CDC42BPA: variants seen among roughly 807,000 people sequenced by gnomAD.
CDC42BPA encodes the protein CDC42 binding protein kinase alpha, also known as serine/threonine-protein kinase MRCK alpha.
Under a neutral mutation model 223.5 loss-of-function variants are expected in CDC42BPA, and 80 were observed. The ratio of observed to expected loss-of-function variants is 0.36; its 90% CI spans 0.30 to 0.43. The LOEUF (loss-of-function observed/expected upper bound fraction) is 0.43. Ranked by LOEUF, CDC42BPA falls within the 20% of genes least tolerant of loss-of-function variation. The probability of loss-of-function intolerance (pLI) is 1.00; values close to 1 mark genes in which losing one functional copy is unlikely to be tolerated. For missense variants in CDC42BPA, 1,743 were observed against 2,099.9 expected (o/e 0.83, Z 3.32); for synonymous variants, 694 against 718.6 (o/e 0.97, Z 0.55).
At chr1:227,166,220 A>G (rs1665007075) in intron 5 of CDC42BPA, among the ~76,000 whole-genome samples, 2 of 152,234 alleles carry the variant, frequency 1.3e-5, no homozygotes, top group Admixed American at 6.5e-5. Flanking sequence ...TGTTCTTAAA[A>G]TGGTCACTAT....
At position 227,129,666 on chromosome 1, in the gene CDC42BPA, C is replaced by CAAAAAAAAAAAAAAAAA. The variant is rs569879499; in HGVS notation, c.1391-452_1391-436dup. ...TGGGAGACAAAGTGAGACTGTATCT[C>CAAAAAAAAAAAAAAAAA]AAAAAAAAAAAAAAAAAAAAAAAAA... is the stretch of plus-strand genomic sequence containing the variant. On this transcript the variant is annotated intron_variant, in intron 10 of 36. Coordinates refer to ENST00000366766, the MANE Select transcript of CDC42BPA (RefSeq NM_001394014.1). Among the ~76,000 whole-genome samples the CAAAAAAAAAAAAAAAAA allele has an allele frequency of 1.3e-3, 45 of 33,916 alleles. 3 individuals are homozygous for CAAAAAAAAAAAAAAAAA. The highest frequency in any genetic ancestry group is 2.8e-3 in the East Asian group (2 of 726). 22.3% of individuals were successfully genotyped at this position (33,916 alleles called of 152,430 possible).
chr1:227,239,379 C>T (rs571168531), intron 2 of CDC42BPA, among the ~76,000 whole-genome samples: 5 of 152,052 alleles, frequency 3.3e-5, no homozygotes, highest in Admixed American at 1.3e-4. Flanking sequence ...ACCCACTGAA[C>T]GTACAACATC....
rs35903393 is a variant in CDC42BPA, at chr1:227,244,494, T to TGGG, written c.270+9567_270+9569dup. Among the ~76,000 whole-genome samples the TGGG allele has an allele frequency of 2.7e-3, 407 of 149,768 alleles. 1 individual carries two copies. The highest frequency in any genetic ancestry group is 7.1e-3 in the African/African-American group (288 of 40,498). ...AACAAGGAAGTGATTATTCACATGG[T>TGGG]GGGGGGGGGCAATGGGAGCCTATCA... On this transcript the variant is annotated intron_variant, in intron 2 of 36. Coordinates refer to ENST00000366766, the MANE Select transcript of CDC42BPA (RefSeq NM_001394014.1).
At chr1:227,120,190 C>A (rs1177893287) in intron 11 of CDC42BPA, among the ~76,000 whole-genome samples, 10 of 150,418 alleles carry the variant, frequency 6.6e-5, no homozygotes, top group Non-Finnish European at 1.3e-4. Context: ...AAAAAGCATG[C>A]TTCCAAAAAC....
intron 35 of CDC42BPA, among the ~76,000 whole-genome samples, chr1:226,997,674 G>T (rs9727512): frequency 0.37 from 56,484 of 151,740 alleles, 11,192 homozygotes; most frequent in Non-Finnish European, 0.46. Context: ...TGGTCTTAAA[G>T]AACTTATTTA....
At chr1:227,120,865 A>G (rs1176031227) in intron 11 of CDC42BPA, among the ~76,000 whole-genome samples, 4 of 152,192 alleles carry the variant, frequency 2.6e-5, no homozygotes, top group African/African-American at 4.8e-5. Flanking sequence ...ATTTTTCCAC[A>G]GCCCAGGAGT....
intron 1 of CDC42BPA, among the ~76,000 whole-genome samples, chr1:227,277,874 C>T (rs1372105396): frequency 6.6e-6 from 1 of 151,994 alleles, no homozygotes. Context: ...CTCAGCCTCC[C>T]GAGTAGCTAG....
intron 2 of CDC42BPA, among the ~76,000 whole-genome samples, chr1:227,217,378 C>T (rs1239325076): frequency 4.6e-5 from 7 of 150,772 alleles, no homozygotes; most frequent in South Asian, 2.1e-4. Flanking sequence ...ACCCGGGAGA[C>T]GGAGGTGTGG....
At chr1:227,309,203 CAA>C (rs35336462) in intron 1 of CDC42BPA, among the ~76,000 whole-genome samples, 4,345 of 129,988 alleles carry the variant, frequency 0.033, 95 homozygotes, top group Non-Finnish European at 0.048. Context: ...CTATCTCTAC[CAA>C]AAAAAAAAAA....
rs1019207454 is a variant in CDC42BPA, at chr1:227,189,692, T to C, written c.599+4094A>G. Among the ~76,000 whole-genome samples, 3 of 152,312 alleles carry C rather than the reference T, an allele frequency of 2.0e-5. No individual in the cohort carries two copies. In the East Asian group the frequency reaches 5.8e-4, roughly 29 times the overall value. ...TACCATTTGCTATTTTCCATTGCTC[T>C]TGTTAAACCTTTGTGCAAATTTTTT... On this transcript the variant is annotated intron_variant, in intron 5 of 36. Coordinates refer to ENST00000366766, the MANE Select transcript of CDC42BPA (RefSeq NM_001394014.1).
intron 2 of CDC42BPA, among the ~76,000 whole-genome samples, chr1:227,236,212 T>C (rs570834621): frequency 1.1e-4 from 16 of 152,318 alleles, no homozygotes; most frequent in South Asian, 2.1e-4. Context: ...CTACTGGATA[T>C]AGATTTGACT....
intron 1 of CDC42BPA, among the ~76,000 whole-genome samples, chr1:227,291,208 A>G (rs1170997334): frequency 1.3e-5 from 2 of 152,194 alleles, no homozygotes; most frequent in South Asian, 2.1e-4. Context: ...ACAAAAAATC[A>G]TGTTGCTCCG....
chr1:227,236,845 C>T (rs73096314), intron 2 of CDC42BPA, among the ~76,000 whole-genome samples: 4,556 of 151,822 alleles, frequency 0.03, 202 homozygotes, highest in African/African-American at 0.1. Flanking sequence ...AGGTGTGAGA[C>T]GAGCCTGGGC....
intron 5 of CDC42BPA, among the ~76,000 whole-genome samples, chr1:227,163,495 G>A (rs1183393592): frequency 1.6e-4 from 11 of 69,702 alleles, no homozygotes; most frequent in African/African-American, 6.4e-4. Flanking sequence ...GCATGATTAC[G>A]AATACAGTTG....
intron 33 of CDC42BPA, 151 bp downstream of exon 33, chr1:227,016,776 G>C: frequency 4.5e-6 from 3 of 662,852 alleles, no homozygotes; most frequent in Non-Finnish European, 7.5e-6. Flanking sequence ...ATGACACTGA[G>C]AAGTTACATT....
intron 17 of CDC42BPA, among the ~76,000 whole-genome samples, chr1:227,079,603 T>C (rs1680208505): frequency 1.3e-5 from 2 of 152,144 alleles, no homozygotes; most frequent in Admixed American, 6.5e-5. Flanking sequence ...CTTGATGATA[T>C]AGATATAAAT....
In CDC42BPA at chr1:226,994,395, G is replaced by A; in HGVS notation, c.5138C>T (p.Ser1713Phe). The A allele has an allele frequency of 6.5e-7, 1 of 1,547,912 alleles. No homozygotes were observed. The highest frequency in any genetic ancestry group is 8.7e-7 in the Non-Finnish European group (1 of 1,144,818). The change falls in exon 37 of 37, where the codon TCT becomes TTT. Residue 1713 changes from serine (S) to phenylalanine (F), a missense_variant. Around this residue, in one of 6 missense-constraint regions of CDC42BPA, gnomAD observed 200 missense variants for 192.8 expected, o/e 1.04. Coordinates refer to ENST00000366766, the MANE Select transcript of CDC42BPA (RefSeq NM_001394014.1). This position sits in a 1 kb window ranked among gnomAD's most constrained non-coding sequence, Gnocchi z 4.0. ...AGCTGTGGAATGCCTCGGAGAGTCA[G>A]AGTCCTGTAAGGCCCAAAGTAAAAC... ...APARDFDGED[S>F]DSPRHSTASN... is the part of the protein sequence containing the mutation.
chr1:227,214,837 A>G (rs760781275), intron 2 of CDC42BPA, among the ~76,000 whole-genome samples: 42 of 152,310 alleles, frequency 2.8e-4, no homozygotes, highest in Admixed American at 9.8e-4. Context: ...TAGTGGTAGT[A>G]GTAGTACCCA....
At chr1:227,094,299 C>A (rs1683592391) in intron 15 of CDC42BPA, among the ~76,000 whole-genome samples, 1 of 152,180 alleles carries the variant, frequency 6.6e-6, no homozygotes, top group African/African-American at 2.4e-5. Context: ...TAAATAATCA[C>A]CTCTTGAGGC....
Sources: allele counts gnomAD v4.1 joint callset (sites outside exome capture counted in the v4.1 genomes callset), GRCh38; gene constraint gnomAD v4.1.1; regional missense constraint gnomAD v4.1.1; non-coding constraint Gnocchi (gnomAD v3.1); transcripts MANE v1.5; gene names NCBI Gene and HGNC (gene_info 2026-07-23, HGNC 2026-07-21).